The following PCDHA7 variants were observed in gnomAD, a reference collection of about 807,000 sequenced individuals.
The protein encoded by PCDHA7 is protocadherin alpha-7.
In PCDHA7, 37 loss-of-function variants were observed where a neutral mutation model predicts 57.2. That is an observed-to-expected ratio of 0.65 (90% CI 0.50 to 0.85). The LOEUF (loss-of-function observed/expected upper bound fraction) is 0.85, where lower values mean the gene tolerates loss of function less well. Among genes scored for constraint, PCDHA7 ranks in the 40% least tolerant of loss-of-function variants. The pLI is 0.00. For synonymous variants in PCDHA7, 553 were observed against 558.8 expected (o/e 0.99, Z 0.15); for missense variants, 1,188 against 1,241.8 (o/e 0.96, Z 0.65).
At chr5:140,928,000 G>T (rs2084855141) in intron 1 of PCDHA7, 1 of 1,614,166 alleles carries the variant, frequency 6.2e-7, no homozygotes, top group Non-Finnish European at 8.5e-7. Context: ...TGAAGACCTC[G>T]ATTCTAATGG....
chr5:140,934,331 A>C (rs1313968911), intron 1 of PCDHA7, among the ~76,000 whole-genome samples: 1 of 152,116 alleles, frequency 6.6e-6, no homozygotes, highest in East Asian at 1.9e-4. Flanking sequence ...CATGAATGTA[A>C]TAACCACCAG....
intron 1 of PCDHA7, chr5:140,850,480 C>A: frequency 6.3e-7 from 1 of 1,597,900 alleles, no homozygotes; most frequent in African/African-American, 1.3e-5. Context: ...CTGACGGCCA[C>A]GGCCACTGTG....
intron 1 of PCDHA7, chr5:140,842,783 G>C (rs2150344113): frequency 1.3e-6 from 2 of 1,594,544 alleles, no homozygotes; most frequent in Non-Finnish European, 1.7e-6. Context: ...GCAGGAGAAC[G>C]CGCTGGTGTC....
At chr5:140,909,907 A>C (rs1554194005) in intron 1 of PCDHA7, among the ~76,000 whole-genome samples, 1 of 152,168 alleles carries the variant, frequency 6.6e-6, no homozygotes, top group African/African-American at 2.4e-5. Flanking sequence ...CTGAAATGGC[A>C]ATCATTTCCC....
chr5:140,881,369 T>C (rs2058687376), intron 1 of PCDHA7: 2 of 985,186 alleles, frequency 2.0e-6, no homozygotes, highest in Non-Finnish European at 2.4e-6. Flanking sequence ...TTCGTATGAA[T>C]TGCAGCCGGC....
chr5:140,838,562 T>C (rs893171521), intron 1 of PCDHA7, among the ~76,000 whole-genome samples: 4 of 152,018 alleles, frequency 2.6e-5, no homozygotes, highest in Non-Finnish European at 5.9e-5. Flanking sequence ...CATCCAGTAC[T>C]GTATTAGGGA....
intron 1 of PCDHA7, among the ~76,000 whole-genome samples, chr5:140,972,991 T>C (rs142551667): frequency 6.6e-6 from 1 of 152,222 alleles, no homozygotes; most frequent in Non-Finnish European, 1.5e-5. Context: ...GTAGATTCTG[T>C]GCATTTGTGG....
intron 1 of PCDHA7, chr5:140,877,889 GT>G: frequency 6.9e-7 from 1 of 1,458,120 alleles, no homozygotes; most frequent in Non-Finnish European, 9.0e-7. Context: ...AAGAACTTCC[GT>G]TTAGGTTATA....
At chr5:140,885,070 T>C (rs1253345040) in intron 1 of PCDHA7, among the ~76,000 whole-genome samples, 1 of 152,232 alleles carries the variant, frequency 6.6e-6, no homozygotes, top group African/African-American at 2.4e-5. Flanking sequence ...CAAGATATTA[T>C]TTTAAAGAGC....
intron 1 of PCDHA7, among the ~76,000 whole-genome samples, chr5:140,935,536 G>C (rs2090424655): frequency 6.6e-6 from 1 of 152,104 alleles, no homozygotes; most frequent in Non-Finnish European, 1.5e-5. Context: ...TCAAATTATT[G>C]TGTTTTAAAG....
intron 1 of PCDHA7, chr5:140,858,332 C>T: frequency 6.3e-7 from 1 of 1,596,258 alleles, no homozygotes; most frequent in East Asian, 2.2e-5. Context: ...TGGGGAGGGC[C>T]TGCCCAAGGC....
At chr5:140,967,823 G>A in intron 1 of PCDHA7, 2 of 1,614,162 alleles carry the variant, frequency 1.2e-6, no homozygotes, top group Non-Finnish European at 8.5e-7. Context: ...CAAGGTGCTG[G>A]TGGACATCGT....
In PCDHA7 at chr5:140,929,359, C is replaced by T; in HGVS notation, c.2356-49590C>T. 3.3e-6 allele frequency: 5 copies of T among 1,522,308 alleles called. No homozygotes were observed. In the South Asian group the frequency reaches 6.6e-5, roughly 20 times the overall value. 94.3% of individuals were successfully genotyped at this position (1,522,308 alleles called of 1,614,324 possible). ...ATTTTATGGAATTTGATTCCTTTGG[C>T]CCGGAGATGGCTGCTAGCTGTGTTT... On this transcript the variant is annotated intron_variant, in intron 1 of 3. Transcript: ENST00000525929.
In PCDHA7 at chr5:140,984,045, T is replaced by C. The variant is rs77384794; in HGVS notation, c.2503+1482T>C. Among the ~76,000 whole-genome samples, 455 of 152,316 alleles carry C rather than the reference T, an allele frequency of 3.0e-3. 7 individuals carry two copies. In the East Asian group the frequency reaches 0.044, roughly 15 times the overall value. On this transcript the variant is annotated intron_variant, in intron 3 of 3. Transcript: ENST00000525929. ...AAGGGGAAAAACATAAAATAGTTCA[T>C]TGACAAATCTGTACCCTCAGTGCCA... is the stretch of plus-strand genomic sequence containing the variant.
chr5:140,886,956 A>T (rs1007882657), intron 1 of PCDHA7, among the ~76,000 whole-genome samples: 1 of 152,090 alleles, frequency 6.6e-6, no homozygotes, highest in Non-Finnish European at 1.5e-5. Context: ...TTAGACATTT[A>T]GCAACGAAAT....
In PCDHA7 at chr5:140,848,503, A is replaced by G. The variant is rs2150411513; in HGVS notation, c.2355+11765A>G. 2.1e-5 allele frequency: 33 copies of G among 1,586,850 alleles called. 4 individuals are homozygous for G. Among genetic ancestry groups the G allele is most frequent in the African/African-American group, 4.1e-5 (3 of 74,020 alleles). Reference sequence around the variant, plus strand: ...GAAGACTGAGTATTTGAAATGTTATACTCAAGTCGAGGAGATCCAGAGGGT... The same window carrying G: ...GAAGACTGAGTATTTGAAATGTTATGCTCAAGTCGAGGAGATCCAGAGGGT... On this transcript the variant is annotated intron_variant, in intron 1 of 3. Coordinates refer to ENST00000525929, the MANE Select transcript of PCDHA7 (RefSeq NM_018910.3).
chr5:140,983,329 A>G (rs1359569826), intron 3 of PCDHA7, among the ~76,000 whole-genome samples: 8 of 152,228 alleles, frequency 5.3e-5, no homozygotes, highest in Admixed American at 6.5e-5. Flanking sequence ...TTCTTGCCCT[A>G]TCACTAAAGC....
chr5:140,977,681 A>G (rs1363970729), intron 1 of PCDHA7, among the ~76,000 whole-genome samples: 2 of 152,208 alleles, frequency 1.3e-5, no homozygotes, highest in African/African-American at 4.8e-5. Context: ...AATATCATGT[A>G]GCCATCCAGA....
intron 1 of PCDHA7, among the ~76,000 whole-genome samples, chr5:140,957,650 C>T (rs1239447979): frequency 1.3e-5 from 2 of 151,848 alleles, no homozygotes; most frequent in Non-Finnish European, 2.9e-5. Flanking sequence ...CTTAAATATT[C>T]AATCATGGAG....
Sources: gnomAD v4.1 joint callset for allele counts (sites outside exome capture counted in the v4.1 genomes callset) on GRCh38, gnomAD v4.1.1 for gene constraint, MANE v1.5 for transcripts, NCBI Gene and HGNC (gene_info 2026-07-23, HGNC 2026-07-21) for gene names.